Variants in SPAG16 observed in about 807,000 individuals in gnomAD.
The protein encoded by SPAG16 is sperm associated antigen 16.
In SPAG16, 86 loss-of-function variants were observed where a neutral mutation model predicts 80.4. That is an observed-to-expected ratio of 1.07 (90% CI 0.90 to 1.28). SPAG16 has a LOEUF of 1.28. SPAG16 is among the 50% of genes most tolerant of loss of function. The probability of loss-of-function intolerance (pLI) is 0.00; values close to 1 mark genes in which losing one functional copy is unlikely to be tolerated. For synonymous variants in SPAG16, 294 were observed against 265.9 expected, an observed-to-expected ratio of 1.11 and a Z score of -1.03; for missense variants, 870 against 765.3, an observed-to-expected ratio of 1.14 and a Z score of -1.61.
intron 13 of SPAG16, among the ~76,000 whole-genome samples, chr2:214,036,159 A>G (rs2125069848): frequency 6.6e-6 from 1 of 152,080 alleles, no homozygotes; most frequent in Middle Eastern, 3.4e-3. Context: ...TATTTTGTAC[A>G]ATAGGTTATT....
chr2:214,151,028 C>T (rs1203915646), intron 15 of SPAG16, among the ~76,000 whole-genome samples: 1 of 151,986 alleles, frequency 6.6e-6, no homozygotes, highest in East Asian at 1.9e-4. Flanking sequence ...GAACGAGGGA[C>T]TCTAATGAAA....
At chr2:214,333,880 T>C (rs545629157) in intron 15 of SPAG16, among the ~76,000 whole-genome samples, 19 of 152,372 alleles carry the variant, frequency 1.2e-4, no homozygotes, top group African/African-American at 4.6e-4. Flanking sequence ...GATTTCACCA[T>C]GTACTGCGGC....
intron 5 of SPAG16, among the ~76,000 whole-genome samples, chr2:213,319,054 C>T (rs1336667684): frequency 6.6e-6 from 1 of 151,876 alleles, no homozygotes; most frequent in Non-Finnish European, 1.5e-5. Flanking sequence ...TGTGTGAATG[C>T]ATTAACTTGG....
At chr2:213,711,391 T>G (rs1269569492) in intron 10 of SPAG16, among the ~76,000 whole-genome samples, 1 of 152,136 alleles carries the variant, frequency 6.6e-6, no homozygotes, top group Non-Finnish European at 1.5e-5. Flanking sequence ...ACGTTAAAAG[T>G]AAAGTAAAAA....
At chr2:214,287,727 T>C (rs1693467846) in intron 15 of SPAG16, among the ~76,000 whole-genome samples, 1 of 152,242 alleles carries the variant, frequency 6.6e-6, no homozygotes, top group Non-Finnish European at 1.5e-5. Flanking sequence ...TTGACTCATG[T>C]ACTTGAAAAA....
Position 214,320,703 on chromosome 2 carries a change from C to A in SPAG16, c.1721-89437C>A, listed in dbSNP as rs543958048. 1.6e-3 allele frequency among the ~76,000 whole-genome samples: 246 copies of A among 152,234 alleles called. 1 individual carries two copies. The highest frequency in any genetic ancestry group is 2.7e-3 in the Non-Finnish European group (187 of 68,002). On this transcript the variant is annotated intron_variant, in intron 15 of 15. Coordinates refer to ENST00000331683, the MANE Select transcript of SPAG16 (RefSeq NM_024532.5). ...ATAAAACCATCAGATCTCTTGAGAA[C>A]TCACTCATTATCAGGAGAACAGCAT...
chr2:213,985,231 T>C (rs967293314), intron 12 of SPAG16, among the ~76,000 whole-genome samples: 1 of 152,118 alleles, frequency 6.6e-6, no homozygotes, highest in Non-Finnish European at 1.5e-5. Context: ...TTGGTGTTGT[T>C]TCATTTTGTT....
intron 15 of SPAG16, among the ~76,000 whole-genome samples, chr2:214,405,811 T>G (rs61122230): frequency 0.18 from 27,176 of 151,974 alleles, 3,128 homozygotes; most frequent in African/African-American, 0.32. Flanking sequence ...AATAAATAAA[T>G]AAAGAAAATC....
chr2:213,582,073 A>G (rs1233858850), intron 10 of SPAG16, among the ~76,000 whole-genome samples: 2 of 152,144 alleles, frequency 1.3e-5, no homozygotes, highest in East Asian at 3.8e-4. Flanking sequence ...TCTCAAGTCA[A>G]CTTAACCTAA....
chr2:213,482,046 T>C (rs979018452), intron 9 of SPAG16, among the ~76,000 whole-genome samples: 1 of 152,242 alleles, frequency 6.6e-6, no homozygotes, highest in Non-Finnish European at 1.5e-5. Context: ...TGTATGATCT[T>C]ATCTAAAACT....
intron 10 of SPAG16, among the ~76,000 whole-genome samples, chr2:213,853,489 G>A (rs556050982): frequency 6.6e-6 from 1 of 152,122 alleles, no homozygotes; most frequent in Non-Finnish European, 1.5e-5. Flanking sequence ...TATGTAACAT[G>A]CCTGGTATAT....
At chr2:214,192,174 C>T (rs1231795461) in intron 15 of SPAG16, among the ~76,000 whole-genome samples, 1 of 152,100 alleles carries the variant, frequency 6.6e-6, no homozygotes, top group Non-Finnish European at 1.5e-5. Flanking sequence ...AGAAACGAAG[C>T]ATTCTACCTT....
At chr2:213,964,733 A>C (rs905671284) in intron 12 of SPAG16, among the ~76,000 whole-genome samples, 5 of 152,208 alleles carry the variant, frequency 3.3e-5, no homozygotes, top group Admixed American at 2.0e-4. Flanking sequence ...CACCTAGATC[A>C]ATCAGAGTCA....
At chr2:214,353,374 A>C (rs755548313) in intron 15 of SPAG16, among the ~76,000 whole-genome samples, 1 of 152,144 alleles carries the variant, frequency 6.6e-6, no homozygotes, top group Non-Finnish European at 1.5e-5. Context: ...AAATTTCTTA[A>C]GCTCAAAAGA....
At chr2:213,875,609 G>T (rs2662672) in intron 11 of SPAG16, among the ~76,000 whole-genome samples, 1 of 151,966 alleles carries the variant, frequency 6.6e-6, no homozygotes, top group Non-Finnish European at 1.5e-5. Flanking sequence ...CACTCTTTTG[G>T]GTCTTACATT....
intron 10 of SPAG16, among the ~76,000 whole-genome samples, chr2:213,772,413 AAC>A (rs2069306349): frequency 6.6e-6 from 1 of 152,126 alleles, no homozygotes; most frequent in Non-Finnish European, 1.5e-5. Context: ...CAGTGATTTG[AAC>A]ATTTTGTATC....
chr2:213,885,576 CTT>C (rs1265658396), intron 11 of SPAG16, among the ~76,000 whole-genome samples: 1 of 151,982 alleles, frequency 6.6e-6, no homozygotes, highest in African/African-American at 2.4e-5. Context: ...TTTTCATTTC[CTT>C]TCTAATTTAA....
chr2:214,396,824 A>G (rs1701413088), intron 15 of SPAG16, among the ~76,000 whole-genome samples: 1 of 152,042 alleles, frequency 6.6e-6, no homozygotes, highest in Non-Finnish European at 1.5e-5. Context: ...CTTTTTATAG[A>G]TCTACATCAA....
At chr2:213,403,770 C>A (rs1200117217) in intron 9 of SPAG16, among the ~76,000 whole-genome samples, 1 of 152,078 alleles carries the variant, frequency 6.6e-6, no homozygotes, top group Non-Finnish European at 1.5e-5. Context: ...TCAAATTGTC[C>A]CTGTTTGCAG....
Sources: gnomAD v4.1 joint callset for allele counts (sites outside exome capture counted in the v4.1 genomes callset) on GRCh38, gnomAD v4.1.1 for gene constraint, MANE v1.5 for transcripts, NCBI Gene and HGNC (gene_info 2026-07-23, HGNC 2026-07-21) for gene names.